SLC9A9: variants seen among roughly 807,000 people sequenced by gnomAD.
SLC9A9 encodes the protein sodium/hydrogen exchanger 9.
SLC9A9 carries 62 observed loss-of-function variants against 77.8 expected under a neutral mutation model. The observed-to-expected ratio is 0.80, with a 90% CI of 0.65 to 0.98. The LOEUF (loss-of-function observed/expected upper bound fraction) is 0.98, where lower values mean the gene tolerates loss of function less well. SLC9A9 is among the 50% of genes least tolerant of loss of function. The pLI is 0.00. For synonymous variants in SLC9A9, 320 were observed against 283.5 expected (o/e 1.13, Z -1.29); for missense variants, 775 against 774.9 (o/e 1.00, Z 0.00).
At chr3:143,613,876 T>C (rs897395667) in intron 6 of SLC9A9, among the ~76,000 whole-genome samples, 3 of 152,240 alleles carry the variant, frequency 2.0e-5, no homozygotes, top group South Asian at 4.1e-4. Flanking sequence ...CATATGAAAT[T>C]AAAATAATGT....
At chr3:143,449,812 T>A (rs377389405) in intron 12 of SLC9A9, among the ~76,000 whole-genome samples, 24,310 of 66,838 alleles carry the variant, frequency 0.36, 4,671 homozygotes, top group East Asian at 0.56. Flanking sequence ...ATATATATAA[T>A]TATATATTTA....
At chr3:143,318,162 A>C (rs576221403) in intron 14 of SLC9A9, among the ~76,000 whole-genome samples, 9 of 152,144 alleles carry the variant, frequency 5.9e-5, no homozygotes, top group Non-Finnish European at 1.2e-4. Flanking sequence ...CTATTTCTCA[A>C]GCTACTTTCA....
At chr3:143,708,535 A>G (rs1317364630) in intron 4 of SLC9A9, among the ~76,000 whole-genome samples, 1 of 152,118 alleles carries the variant, frequency 6.6e-6, no homozygotes, top group Non-Finnish European at 1.5e-5. Context: ...TACTCACTGG[A>G]TATAAGCATT....
chr3:143,620,527 T>G (rs1031790425), intron 6 of SLC9A9: 1 of 152,156 alleles, frequency 6.6e-6, no homozygotes, highest in Non-Finnish European at 1.5e-5. Flanking sequence ...GGAGCCCACG[T>G]GGGTGTGGGC....
At position 143,412,231 on chromosome 3, in the gene SLC9A9, C is replaced by T. The variant is rs1559904508; in HGVS notation, c.1470-30117G>A. Among the ~76,000 whole-genome samples, 6 of 152,260 alleles carry T rather than the reference C, an allele frequency of 3.9e-5. No homozygotes were observed. In the South Asian group the frequency reaches 6.2e-4, roughly 16 times the overall value. ...ATGCAATGGAACCAGAAGTCCTGAA[C>T]TTGCTCTCCCTGACAGGTCCTCTGG... On this transcript the variant is annotated intron_variant, in intron 12 of 15. Coordinates refer to ENST00000316549, the MANE Select transcript of SLC9A9 (RefSeq NM_173653.4).
chr3:143,794,104 A>G (rs546609555), intron 4 of SLC9A9, among the ~76,000 whole-genome samples: 14 of 152,240 alleles, frequency 9.2e-5, no homozygotes, highest in African/African-American at 3.4e-4. Flanking sequence ...CTCTGCTTAC[A>G]GGCACAAGTA....
intron 4 of SLC9A9, among the ~76,000 whole-genome samples, chr3:143,702,636 A>T (rs1933836775): frequency 6.6e-6 from 1 of 151,540 alleles, no homozygotes; most frequent in Admixed American, 6.5e-5. Context: ...ATTAAGAGGA[A>T]GAGAGGAAGA....
At chr3:143,270,646 C>A in intron 14 of SLC9A9, among the ~76,000 whole-genome samples, 1 of 151,164 alleles carries the variant, frequency 6.6e-6, no homozygotes, top group African/African-American at 2.4e-5. Context: ...AAAGTGACAG[C>A]AAGTAAGCAA....
At chr3:143,815,820 C>T (rs9824957) in intron 2 of SLC9A9, among the ~76,000 whole-genome samples, 92,627 of 151,860 alleles carry the variant, frequency 0.61, 29,715 homozygotes, top group East Asian at 0.72. Flanking sequence ...GAGCCGGGAT[C>T]GTGCCACTGC....
chr3:143,830,623 T>C (rs904548972), intron 2 of SLC9A9, among the ~76,000 whole-genome samples: 3 of 152,194 alleles, frequency 2.0e-5, no homozygotes, highest in African/African-American at 7.2e-5. Context: ...GAAATAGTGC[T>C]GTATAGAAAT....
intron 14 of SLC9A9, among the ~76,000 whole-genome samples, chr3:143,349,259 G>A (rs2032385377): frequency 6.6e-6 from 1 of 152,198 alleles, no homozygotes; most frequent in Non-Finnish European, 1.5e-5. Flanking sequence ...GCTTAAAGGT[G>A]CTTACCTGAA....
At chr3:143,280,259 C>T (rs952694414) in intron 14 of SLC9A9, among the ~76,000 whole-genome samples, 1 of 152,152 alleles carries the variant, frequency 6.6e-6, no homozygotes, top group African/African-American at 2.4e-5. Context: ...TTTTAGGGAA[C>T]AAAATGAATA....
intron 6 of SLC9A9, among the ~76,000 whole-genome samples, chr3:143,625,153 T>C (rs57830784): frequency 0.16 from 25,024 of 152,124 alleles, 2,437 homozygotes; most frequent in African/African-American, 0.25. Flanking sequence ...TGCTCATGTG[T>C]AGGAAGAATC....
At chr3:143,743,418 G>A (rs572235461) in intron 4 of SLC9A9, among the ~76,000 whole-genome samples, 28 of 152,306 alleles carry the variant, frequency 1.8e-4, no homozygotes, top group African/African-American at 6.0e-4. Flanking sequence ...CTCAGAAATG[G>A]AAGCCAATAG....
intron 12 of SLC9A9, among the ~76,000 whole-genome samples, chr3:143,400,069 T>A (rs2108511354): frequency 6.6e-6 from 1 of 152,274 alleles, no homozygotes; most frequent in South Asian, 2.1e-4. Context: ...TTAATTATAT[T>A]TGTGACACCA....
intron 2 of SLC9A9, among the ~76,000 whole-genome samples, chr3:143,818,951 T>C (rs1469049684): frequency 6.6e-6 from 1 of 152,020 alleles, no homozygotes; most frequent in East Asian, 2.0e-4. Flanking sequence ...GGCATGGTTG[T>C]GCATGCCTGT....
At chr3:143,638,554 C>T (rs957557145) in intron 6 of SLC9A9, among the ~76,000 whole-genome samples, 6 of 152,220 alleles carry the variant, frequency 3.9e-5, no homozygotes, top group African/African-American at 1.4e-4. Context: ...ATACTGCCTG[C>T]CATTCTGGCA....
At chr3:143,532,492 A>T (rs2036525508) in intron 9 of SLC9A9, among the ~76,000 whole-genome samples, 1 of 152,220 alleles carries the variant, frequency 6.6e-6, no homozygotes, top group Non-Finnish European at 1.5e-5. Flanking sequence ...TACTTCTAAA[A>T]AGATATACAC....
chr3:143,487,794 C>T (rs757716109), intron 11 of SLC9A9, among the ~76,000 whole-genome samples: 3 of 151,508 alleles, frequency 2.0e-5, no homozygotes, highest in Admixed American at 6.6e-5. Flanking sequence ...CAAGAACAAT[C>T]TCAAATCAAG....
Sources: allele counts gnomAD v4.1 joint callset (sites outside exome capture counted in the v4.1 genomes callset), GRCh38; gene constraint gnomAD v4.1.1; transcripts MANE v1.5; gene names NCBI Gene and HGNC (gene_info 2026-07-23, HGNC 2026-07-21).